NEBL: variants seen among roughly 807,000 people sequenced by gnomAD.
The protein encoded by NEBL is nebulette, also known as LIM and SH3 protein 2.
Under a neutral mutation model 140.2 loss-of-function variants are expected in NEBL, and 122 were observed. That is an observed-to-expected ratio of 0.87 (90% CI 0.75 to 1.01). NEBL has a LOEUF of 1.01. Ranked by LOEUF, NEBL falls within the 50% of genes least tolerant of loss-of-function variation. NEBL has a pLI of 0.00. For synonymous variants in NEBL, 436 were observed against 398.9 expected (o/e 1.09, Z -1.11); for missense variants, 1,365 against 1,231.3 (o/e 1.11, Z -1.62).
Position 21,111,517 on chromosome 10 carries a change from C to A in NEBL, c.164+60866G>T, listed in dbSNP as rs549136448. Among the ~76,000 whole-genome samples, 15 of 151,816 alleles carry A rather than the reference C, an allele frequency of 9.9e-5. No individual in the cohort carries two copies. In the Middle Eastern group the frequency reaches 0.014, roughly 138 times the overall value. On this transcript the variant is annotated intron_variant, in intron 2 of 6. Coordinates refer to the NEBL transcript ENST00000417816. ...AGGATGCCCTATTTAATAAATGCTG[C>A]TGGGAAAACTGGCTAGCCACGTGTA...
At chr10:21,267,469 C>T (rs1842810550) in intron 1 of NEBL, among the ~76,000 whole-genome samples, 1 of 152,214 alleles carries the variant, frequency 6.6e-6, no homozygotes, top group Admixed American at 6.5e-5. Flanking sequence ...TTCCCAGAAG[C>T]ACTTTCTTCC....
At chr10:21,213,257 G>T (rs1031166502) in intron 3 of NEBL, among the ~76,000 whole-genome samples, 7 of 152,192 alleles carry the variant, frequency 4.6e-5, no homozygotes, top group Admixed American at 3.3e-4. Context: ...CCTTGAACTT[G>T]TATTTGGTCT....
At position 21,186,988 on chromosome 10, in the gene NEBL, A is replaced by ATGTGTGTGTG. The variant is rs35359446; in HGVS notation, n.349-14521_349-14512dup. ...CACAGATACAGAGGGCCAACTCTGT[A>ATGTGTGTGTG]TGTGTGTGTGTGTGTGTGTGTGTGT... On this transcript the variant is annotated intron_variant and non_coding_transcript_variant, in intron 3 of 8. Transcript: ENST00000675702. Among the ~76,000 whole-genome samples the ATGTGTGTGTG allele has an allele frequency of 6.3e-5, 9 of 141,890 alleles. No individual in the cohort carries two copies. The East Asian group carries it at 6.3e-4, about 10-fold the overall frequency. 93.1% of individuals were successfully genotyped at this position (141,890 alleles called of 152,430 possible).
At chr10:21,059,190 G>A (rs79020785) in intron 2 of NEBL, among the ~76,000 whole-genome samples, 240 of 152,286 alleles carry the variant, frequency 1.6e-3, no homozygotes, top group Non-Finnish European at 3.0e-3. Flanking sequence ...CTGCACCTGC[G>A]TCTGTCATTG....
chr10:21,166,894 A>C (rs938133366), intron 2 of NEBL, among the ~76,000 whole-genome samples: 1 of 152,264 alleles, frequency 6.6e-6, no homozygotes. Flanking sequence ...AACCAAATTC[A>C]GGAGGCCCAA....
intron 14 of NEBL, among the ~76,000 whole-genome samples, chr10:20,834,862 G>T (rs1317649844): frequency 6.6e-6 from 1 of 152,148 alleles, no homozygotes; most frequent in African/African-American, 2.4e-5. Flanking sequence ...TATGCATATG[G>T]TCTGACTCCT....
intron 2 of NEBL, among the ~76,000 whole-genome samples, chr10:20,894,826 G>A (rs1374538286): frequency 6.6e-6 from 1 of 150,776 alleles, no homozygotes; most frequent in Non-Finnish European, 1.5e-5. Flanking sequence ...CTACTCGGGT[G>A]GCTGAGGCAG....
chr10:21,026,706 G>T (rs1235781295), intron 2 of NEBL, among the ~76,000 whole-genome samples: 1 of 152,182 alleles, frequency 6.6e-6, no homozygotes, highest in African/African-American at 2.4e-5. Context: ...TTCCTTATGG[G>T]CTTTATGTGA....
chr10:21,264,834 C>A (rs1384467888), intron 1 of NEBL, among the ~76,000 whole-genome samples: 3 of 147,150 alleles, frequency 2.0e-5, no homozygotes, highest in Non-Finnish European at 3.0e-5. Flanking sequence ...GATTCAGTGT[C>A]TGGAAAGGGC....
chr10:20,830,924 A>G (rs1435567443), intron 16 of NEBL, among the ~76,000 whole-genome samples: 2 of 151,002 alleles, frequency 1.3e-5, no homozygotes, highest in Non-Finnish European at 3.0e-5. Context: ...AAAAAAAAAA[A>G]AAAAAAAAAA....
intron 4 of NEBL, among the ~76,000 whole-genome samples, chr10:20,934,416 C>T (rs933258141): frequency 9.9e-5 from 15 of 152,190 alleles, no homozygotes; most frequent in African/African-American, 3.6e-4. Flanking sequence ...ACTCATTAGT[C>T]ATTCTCCTTG....
chr10:20,818,123 C>T (rs1166911775), intron 20 of NEBL, among the ~76,000 whole-genome samples: 3 of 152,198 alleles, frequency 2.0e-5, no homozygotes, highest in African/African-American at 7.2e-5. Flanking sequence ...ACTCCTACCA[C>T]CTCCCAGGGA....
chr10:21,092,381 G>C (rs1468012895), intron 2 of NEBL, among the ~76,000 whole-genome samples: 5 of 152,074 alleles, frequency 3.3e-5, no homozygotes, highest in Admixed American at 3.3e-4. Context: ...ATACCATTTA[G>C]TTTGTGCAAA....
intron 2 of NEBL, among the ~76,000 whole-genome samples, chr10:21,076,444 CAAAAAAAAAAAAAAA>C (rs56013237): frequency 0.096 from 4,847 of 50,270 alleles, 161 homozygotes; most frequent in Non-Finnish European, 0.15. Flanking sequence ...GACTCAGTTT[CAAAAAAAAAAAAAAA>C]AAAAAAAAAA....
chr10:20,961,066 C>T (rs1836028320), intron 4 of NEBL, among the ~76,000 whole-genome samples: 1 of 152,088 alleles, frequency 6.6e-6, no homozygotes, highest in Non-Finnish European at 1.5e-5. Context: ...GTGTGAATTA[C>T]CAAAACTTAG....
At chr10:20,790,844 T>C (rs1029959579) in intron 26 of NEBL, among the ~76,000 whole-genome samples, 5 of 152,212 alleles carry the variant, frequency 3.3e-5, no homozygotes, top group African/African-American at 4.8e-5. Flanking sequence ...AGCTATTCCA[T>C]GTATGAGATT....
At chr10:21,057,940 T>A (rs994544710) in intron 2 of NEBL, among the ~76,000 whole-genome samples, 2 of 152,308 alleles carry the variant, frequency 1.3e-5, no homozygotes, top group African/African-American at 4.8e-5. Context: ...GTAAATCATA[T>A]AATCGTGAAC....
chr10:20,869,239 G>A (rs1564403539), intron 6 of NEBL, among the ~76,000 whole-genome samples: 2 of 152,158 alleles, frequency 1.3e-5, no homozygotes, highest in Non-Finnish European at 2.9e-5. Flanking sequence ...TTTCCAACCA[G>A]GGTTTTCAGC....
Position 21,227,711 on chromosome 10 carries a change from TTTCTTCTTC to T in NEBL, n.348+20201_348+20209del, listed in dbSNP as rs796306558. ...CTTCTTCTTCTTCTTCTTCTTCTTC[TTTCTTCTTC>T]TTCTTCTTCTTCTTCTTCTTCTTCT... On this transcript the variant is annotated intron_variant and non_coding_transcript_variant, in intron 3 of 8. Coordinates refer to the NEBL transcript ENST00000675702. Among the ~76,000 whole-genome samples the T allele has an allele frequency of 6.3e-3, 292 of 46,366 alleles. 2 individuals carry two copies. The highest frequency in any genetic ancestry group is 0.02 in the East Asian group (32 of 1,618). 30.4% of individuals were successfully genotyped at this position (46,366 alleles called of 152,430 possible). A position where few individuals can be genotyped will look rare whatever the true frequency, so the allele number is the denominator to read the frequency against.
Sources: gnomAD v4.1 joint callset for allele counts (sites outside exome capture counted in the v4.1 genomes callset) on GRCh38, gnomAD v4.1.1 for gene constraint, MANE v1.5 for transcripts, NCBI Gene and HGNC (gene_info 2026-07-23, HGNC 2026-07-21) for gene names.